SPOCK3: variants seen among roughly 807,000 people sequenced by gnomAD.
SPOCK3 encodes SPARC (osteonectin), cwcv and kazal like domains proteoglycan 3, also known as testican-3.
In SPOCK3, 30 loss-of-function variants were observed where a neutral mutation model predicts 56.6. The ratio of observed to expected loss-of-function variants is 0.53; its 90% CI spans 0.40 to 0.72. The LOEUF (loss-of-function observed/expected upper bound fraction) is 0.72. Ranked by LOEUF, SPOCK3 falls within the 30% of genes least tolerant of loss-of-function variation. SPOCK3 has a pLI of 0.00. For synonymous variants in SPOCK3, 196 were observed against 183.3 expected, an observed-to-expected ratio of 1.07 and a Z score of -0.56; for missense variants, 527 against 530.0, an observed-to-expected ratio of 0.99 and a Z score of 0.06.
intron 6 of SPOCK3, among the ~76,000 whole-genome samples, chr4:166,825,034 T>C (rs927755354): frequency 6.6e-6 from 1 of 152,128 alleles, no homozygotes; most frequent in Non-Finnish European, 1.5e-5. Flanking sequence ...CCTTGAAATA[T>C]TTCATTTATT....
At chr4:167,011,635 G>C (rs1032162718) in intron 3 of SPOCK3, among the ~76,000 whole-genome samples, 1 of 152,064 alleles carries the variant, frequency 6.6e-6, no homozygotes, top group Non-Finnish European at 1.5e-5. Flanking sequence ...AAGAATTTGA[G>C]TATGTCTTAG....
intron 2 of SPOCK3, among the ~76,000 whole-genome samples, chr4:167,122,964 TAA>T (rs35809046): frequency 6.7e-6 from 1 of 148,150 alleles, no homozygotes; most frequent in East Asian, 2.0e-4. Flanking sequence ...AATAATTAAA[TAA>T]AAAAAAATAC....
upstream of SPOCK3, chr4:167,234,559 A>G (rs1179752294): frequency 4.2e-6 from 1 of 236,128 alleles, no homozygotes; most frequent in Non-Finnish European, 8.3e-6. Context: ...CGAGCCGTCC[A>G]CTCAGCTCCC....
intron 7 of SPOCK3, among the ~76,000 whole-genome samples, chr4:166,780,181 T>TA (rs1274006595): frequency 6.6e-6 from 1 of 152,036 alleles, no homozygotes; most frequent in African/African-American, 2.4e-5. Flanking sequence ...ACCCAGAATC[T>TA]AAAAAAAGAC....
At chr4:166,780,349 T>TA (rs1006014603) in intron 7 of SPOCK3, among the ~76,000 whole-genome samples, 15 of 151,614 alleles carry the variant, frequency 9.9e-5, no homozygotes, top group African/African-American at 2.2e-4. Context: ...CTGGAAACCA[T>TA]AAAAAAAAGA....
At chr4:166,887,483 T>G (rs984890302) in intron 6 of SPOCK3, among the ~76,000 whole-genome samples, 2 of 152,028 alleles carry the variant, frequency 1.3e-5, no homozygotes, top group African/African-American at 4.8e-5. Flanking sequence ...ATTGTGAAAA[T>G]GTACTCCATC....
intron 6 of SPOCK3, among the ~76,000 whole-genome samples, chr4:166,848,729 T>G (rs1748361928): frequency 6.6e-6 from 1 of 152,172 alleles, no homozygotes; most frequent in Admixed American, 6.5e-5. Flanking sequence ...CTGATAAGAT[T>G]CTGGGAGCCA....
In SPOCK3 at chr4:166,792,147, A is replaced by G. The variant is rs140639579; in HGVS notation, c.709+23T>C. ...AAACTTCATAACAGATACAGTAGCA[A>G]TGATCAAATTTAGAAATCTTACTGC... On this transcript the variant is annotated intron_variant, in intron 7 of 10. Coordinates refer to ENST00000357545, the MANE Select transcript of SPOCK3 (RefSeq NM_001040159.2). The G allele has an allele frequency of 2.9e-5, 46 of 1,613,398 alleles. No homozygotes were observed. The East Asian group carries it at 8.0e-4, about 28-fold the overall frequency.
intron 6 of SPOCK3, among the ~76,000 whole-genome samples, chr4:166,842,630 C>A (rs1206838162): frequency 6.6e-6 from 1 of 152,070 alleles, no homozygotes; most frequent in East Asian, 1.9e-4. Flanking sequence ...CAAGTCCCCA[C>A]CAGAGTAGCT....
intron 4 of SPOCK3, among the ~76,000 whole-genome samples, chr4:166,933,577 G>A (rs539001538): frequency 6.6e-6 from 1 of 152,230 alleles, no homozygotes; most frequent in Admixed American, 6.5e-5. Context: ...TATTATTAAT[G>A]TTAGGAGACA....
At chr4:167,137,710 A>G (rs17053003) in intron 2 of SPOCK3, among the ~76,000 whole-genome samples, 1 of 151,932 alleles carries the variant, frequency 6.6e-6, no homozygotes, top group East Asian at 1.9e-4. Context: ...CAAAATACAG[A>G]AAAAGGACAG....
At chr4:167,143,263 T>C (rs2150402461) in intron 2 of SPOCK3, among the ~76,000 whole-genome samples, 1 of 152,024 alleles carries the variant, frequency 6.6e-6, no homozygotes, top group East Asian at 1.9e-4. Flanking sequence ...CTGAAAGAGG[T>C]GCCAAATATA....
In SPOCK3 at chr4:166,733,427, T is replaced by G. The variant is rs1733936409; in HGVS notation, c.*1494A>C. On this transcript the variant is annotated 3_prime_UTR_variant, in exon 11 of 11. Transcript: ENST00000357545. ...TATTTTGTAAACTATACATAAACAGTAAAAAAGAAAATGCATTATACTTTA... is the reference window on the plus strand; with the variant it reads ...TATTTTGTAAACTATACATAAACAGGAAAAAAGAAAATGCATTATACTTTA... 1 of 151,754 alleles carries G rather than the reference T, an allele frequency of 6.6e-6. No individual in the cohort carries two copies. The highest frequency in any genetic ancestry group is 1.5e-5 in the Non-Finnish European group (1 of 67,776). The allele number at this position is 151,754 out of a possible 1,614,324, so 9.4% of individuals were successfully genotyped here. A position where few individuals can be genotyped will look rare whatever the true frequency, so the allele number is the denominator to read the frequency against.
intron 2 of SPOCK3, among the ~76,000 whole-genome samples, chr4:167,184,997 A>C (rs2110792339): frequency 6.6e-6 from 1 of 152,270 alleles, no homozygotes; most frequent in South Asian, 2.1e-4. Flanking sequence ...CCTATTTCAA[A>C]CAAACAAGTT....
chr4:166,957,596 T>C (rs1743638015), intron 4 of SPOCK3, among the ~76,000 whole-genome samples: 2 of 152,210 alleles, frequency 1.3e-5, no homozygotes, highest in Admixed American at 1.3e-4. Flanking sequence ...TTCTTCAAAA[T>C]ATCTTGTGTA....
intron 8 of SPOCK3, among the ~76,000 whole-genome samples, chr4:166,747,459 A>T (rs974799597): frequency 3.3e-5 from 5 of 152,216 alleles, no homozygotes; most frequent in African/African-American, 1.2e-4. Context: ...AACTCTCAAT[A>T]AACTAGCTAT....
chr4:166,862,246 CGAT>C (rs985624349), intron 6 of SPOCK3, among the ~76,000 whole-genome samples: 3 of 151,470 alleles, frequency 2.0e-5, no homozygotes, highest in African/African-American at 7.3e-5. Flanking sequence ...GCTTCCTACT[CGAT>C]GAACTTGATA....
intron 9 of SPOCK3, among the ~76,000 whole-genome samples, chr4:166,739,193 T>C (rs1438247934): frequency 2.0e-5 from 3 of 152,156 alleles, no homozygotes; most frequent in Non-Finnish European, 1.5e-5. Context: ...CTCATTGTGG[T>C]TTTGGTTTGC....
At chr4:167,033,201 A>G (rs1752432453) in intron 3 of SPOCK3, among the ~76,000 whole-genome samples, 1 of 151,748 alleles carries the variant, frequency 6.6e-6, no homozygotes. Flanking sequence ...TCTTTAAACT[A>G]AAAGGAATTC....
Sources: allele counts gnomAD v4.1 joint callset (sites outside exome capture counted in the v4.1 genomes callset), GRCh38; gene constraint gnomAD v4.1.1; transcripts MANE v1.5; gene names NCBI Gene and HGNC (gene_info 2026-07-23, HGNC 2026-07-21).